Variants in KCTD16 observed in about 807,000 individuals in gnomAD.
KCTD16 encodes potassium channel tetramerization domain containing 16.
KCTD16 carries 13 observed loss-of-function variants against 33.2 expected under a neutral mutation model. The observed-to-expected ratio is 0.39, with a 90% confidence interval of 0.25 to 0.62. The LOEUF (loss-of-function observed/expected upper bound fraction) is 0.62, where lower values mean the gene tolerates loss of function less well. Ranked by LOEUF, KCTD16 falls within the 20% of genes least tolerant of loss-of-function variation. The pLI is 0.50. For synonymous variants in KCTD16, 197 were observed against 195.3 expected (o/e 1.01, Z -0.07); for missense variants, 441 against 525.1 (o/e 0.84, Z 1.57).
At chr5:144,284,365 A>G (rs1284328176) in intron 3 of KCTD16, among the ~76,000 whole-genome samples, 2 of 152,238 alleles carry the variant, frequency 1.3e-5, no homozygotes. Context: ...TATGTAGGCA[A>G]TGTTGAAAGA....
intron 2 of KCTD16, among the ~76,000 whole-genome samples, chr5:144,193,578 T>A (rs1393229426): frequency 6.6e-6 from 1 of 152,182 alleles, no homozygotes; most frequent in African/African-American, 2.4e-5. Flanking sequence ...CTATATGAAA[T>A]GATCTTGCTC....
intron 3 of KCTD16, among the ~76,000 whole-genome samples, chr5:144,295,809 T>A (rs1756020223): frequency 1.3e-5 from 2 of 152,186 alleles, no homozygotes. Context: ...CAGATAGATA[T>A]AAGTGACACT....
At chr5:144,293,911 G>A (rs1218851763) in intron 3 of KCTD16, among the ~76,000 whole-genome samples, 1 of 152,168 alleles carries the variant, frequency 6.6e-6, no homozygotes, top group Non-Finnish European at 1.5e-5. Flanking sequence ...TGTAATCCCA[G>A]CACTTTGGGA....
rs182807547 is a variant in KCTD16, at chr5:144,312,372, A to G, written c.832+104826A>G. The stretch of plus-strand genomic sequence containing the variant: ...TACAGTTGGAGGAAAAATAAAAGTG[A>G]CTTCCAATGCAGCTTCAAGATAAGC... On this transcript the variant is annotated intron_variant, in intron 3 of 3. Transcript: ENST00000512467. Among the ~76,000 whole-genome samples the G allele has an allele frequency of 6.6e-5, 10 of 152,252 alleles. No individual in the cohort carries two copies. The South Asian group carries it at 8.3e-4, about 13-fold the overall frequency.
intron 3 of KCTD16, among the ~76,000 whole-genome samples, chr5:144,445,110 A>T (rs553018125): frequency 3.3e-5 from 5 of 151,636 alleles, no homozygotes; most frequent in Non-Finnish European, 5.9e-5. Context: ...AATATATGAA[A>T]TTTTTTGGCC....
intron 3 of KCTD16, among the ~76,000 whole-genome samples, chr5:144,279,555 G>T (rs1177877936): frequency 5.3e-5 from 8 of 152,188 alleles, no homozygotes. Flanking sequence ...TCGTAATTCT[G>T]GAGGCTGAGA....
intron 3 of KCTD16, among the ~76,000 whole-genome samples, chr5:144,404,665 C>A (rs1190919568): frequency 6.6e-6 from 1 of 152,178 alleles, no homozygotes; most frequent in African/African-American, 2.4e-5. Context: ...ATTTCTCCCT[C>A]TTCATTGAGA....
intron 3 of KCTD16, among the ~76,000 whole-genome samples, chr5:144,365,255 A>G (rs1751806408): frequency 6.6e-6 from 1 of 152,070 alleles, no homozygotes. Flanking sequence ...CTAATATTTT[A>G]TTTTGTACTG....
intron 3 of KCTD16, among the ~76,000 whole-genome samples, chr5:144,413,184 G>T (rs1752972058): frequency 6.6e-6 from 1 of 152,170 alleles, no homozygotes; most frequent in Non-Finnish European, 1.5e-5. Flanking sequence ...TTAAAATGAG[G>T]TCATTAGAGT....
chr5:144,344,768 T>A (rs896345112), intron 3 of KCTD16, among the ~76,000 whole-genome samples: 11 of 150,372 alleles, frequency 7.3e-5, no homozygotes, highest in African/African-American at 2.4e-4. Context: ...GACTGTAAAC[T>A]AGTTCAACCC....
chr5:144,172,320 G>C lies in KCTD16; in HGVS notation c.-493+1311G>C, dbSNP rs565288429. Among the ~76,000 whole-genome samples the C allele has an allele frequency of 5.8e-4, 89 of 152,274 alleles. 2 individuals are homozygous for C. The highest frequency in any genetic ancestry group is 1.9e-3 in the African/African-American group (77 of 41,542). On this transcript the variant is annotated intron_variant, in intron 1 of 3. Coordinates refer to ENST00000512467, the MANE Select transcript of KCTD16 (RefSeq NM_020768.4). ...AGTTGTACATATTTATGAGATAAAT[G>C]TGACATTTTGATACAAGCATACAAT...
intron 3 of KCTD16, among the ~76,000 whole-genome samples, chr5:144,271,654 A>G (rs911556908): frequency 6.6e-6 from 1 of 152,026 alleles, no homozygotes. Context: ...TAGCCAGAGC[A>G]GTTAGGTGAG....
At chr5:144,244,061 A>C (rs1378300584) in intron 3 of KCTD16, among the ~76,000 whole-genome samples, 2 of 152,044 alleles carry the variant, frequency 1.3e-5, no homozygotes, top group African/African-American at 4.8e-5. Flanking sequence ...ATACTTTTCT[A>C]TTTATGGCAT....
At chr5:144,211,934 C>T (rs1004343083) in intron 3 of KCTD16, among the ~76,000 whole-genome samples, 5 of 152,118 alleles carry the variant, frequency 3.3e-5, no homozygotes, top group Admixed American at 1.3e-4. Flanking sequence ...AATCAAAGCT[C>T]ATCAGGAAAA....
At chr5:144,375,845 C>T (rs748441471) in intron 3 of KCTD16, among the ~76,000 whole-genome samples, 31 of 151,930 alleles carry the variant, frequency 2.0e-4, no homozygotes, top group Non-Finnish European at 4.1e-4. Flanking sequence ...TTGTCTCGCT[C>T]TGTTGCCCAG....
intron 3 of KCTD16, among the ~76,000 whole-genome samples, chr5:144,470,540 C>A (rs181635258): frequency 1.3e-5 from 2 of 152,106 alleles, no homozygotes; most frequent in South Asian, 4.1e-4. Flanking sequence ...AATACATAGA[C>A]TTCAGAAGCC....
chr5:144,343,175 C>G (rs1279462363), intron 3 of KCTD16, among the ~76,000 whole-genome samples: 1 of 152,172 alleles, frequency 6.6e-6, no homozygotes, highest in African/African-American at 2.4e-5. Context: ...CCTTGTACCT[C>G]TGGTAGAATT....
intron 3 of KCTD16, among the ~76,000 whole-genome samples, chr5:144,211,627 A>G (rs971301064): frequency 7.9e-5 from 12 of 152,208 alleles, no homozygotes; most frequent in African/African-American, 2.9e-4. Context: ...ATATATGCAA[A>G]TATCATAAAA....
At chr5:144,271,861 T>C (rs1309626331) in intron 3 of KCTD16, among the ~76,000 whole-genome samples, 1 of 152,014 alleles carries the variant, frequency 6.6e-6, no homozygotes, top group Non-Finnish European at 1.5e-5. Flanking sequence ...TGTATTTCTA[T>C]ATACTAGAAA....
Sources: gnomAD v4.1 joint callset for allele counts (sites outside exome capture counted in the v4.1 genomes callset) on GRCh38, gnomAD v4.1.1 for gene constraint, MANE v1.5 for transcripts, NCBI Gene and HGNC (gene_info 2026-07-23, HGNC 2026-07-21) for gene names.